Variants in NSUN7 observed in about 807,000 individuals in gnomAD.
NSUN7 encodes the protein protein NSUN7.
In NSUN7, 39 loss-of-function variants were observed where a neutral mutation model predicts 58.5. That is an observed-to-expected ratio of 0.67 (90% confidence interval 0.52 to 0.87). NSUN7 has a LOEUF of 0.87. NSUN7 is among the 40% of genes least tolerant of loss of function. The pLI is 0.00. For synonymous variants in NSUN7, 278 were observed against 303.7 expected, an observed-to-expected ratio of 0.92 and a Z score of 0.88; for missense variants, 765 against 844.1, an observed-to-expected ratio of 0.91 and a Z score of 1.16.
intron 2 of NSUN7, among the ~76,000 whole-genome samples, chr4:40,757,906 G>GTTTGTTTC (rs1741256022): frequency 6.6e-6 from 1 of 150,886 alleles, no homozygotes; most frequent in Non-Finnish European, 1.5e-5. Context: ...TCCTGTTTTT[G>GTTTGTTTC]TTTGTTTGTT....
chr4:40,798,013 T>C (rs536290829), intron 9 of NSUN7, among the ~76,000 whole-genome samples: 78 of 152,218 alleles, frequency 5.1e-4, no homozygotes, highest in Non-Finnish European at 9.3e-4. Flanking sequence ...GCTGGTTCCT[T>C]ATCTCCATCT....
intron 4 of NSUN7, among the ~76,000 whole-genome samples, chr4:40,768,217 T>C (rs1460038921): frequency 2.0e-5 from 3 of 151,732 alleles, no homozygotes; most frequent in African/African-American, 7.3e-5. Context: ...TTTTTTTTTT[T>C]TTGAGACGGA....
intron 10 of NSUN7, among the ~76,000 whole-genome samples, chr4:40,802,901 T>C (rs1296462126): frequency 2.7e-5 from 4 of 150,688 alleles, no homozygotes; most frequent in Non-Finnish European, 5.9e-5. Context: ...AACTTGTCAT[T>C]TAGCATTAGG....
At position 40,774,686 on chromosome 4, in the gene NSUN7, T is replaced by G. The variant is rs77951356; in HGVS notation, c.642-81T>G. ...ATGTATGAAGTGATATTTTTCTTTG[T>G]TACAGGAAAAAGGTGTTAGTGTTAA... On this transcript the variant is annotated intron_variant, in intron 5 of 11. Transcript: ENST00000381782. The G allele has an allele frequency of 4.4e-4, 396 of 899,668 alleles. 4 individuals carry two copies. The East Asian group carries it at 9.8e-3, about 22-fold the overall frequency. The allele number at this position is 899,668 out of a possible 1,614,324, so 55.7% of individuals were successfully genotyped here.
chr4:40,770,828 G>A (rs921073101), intron 4 of NSUN7, among the ~76,000 whole-genome samples: 3 of 152,166 alleles, frequency 2.0e-5, no homozygotes, highest in Admixed American at 6.5e-5. Flanking sequence ...CAAGGTGGGC[G>A]GATCGTGAGG....
rs1744106457 is a variant in NSUN7 at position 40,809,981 on chromosome 4, T to A, written c.*1042T>A. ...AAATTGTCATTAAATAGAATTAAGA[T>A]ACAACTATATATCTTATTATTTAAA... On this transcript the variant is annotated 3_prime_UTR_variant, in exon 12 of 12. Transcript: ENST00000381782. The A allele has an allele frequency of 6.6e-6, 1 of 152,252 alleles. No homozygotes were observed. The highest frequency in any genetic ancestry group is 1.5e-5 in the Non-Finnish European group (1 of 68,046). 9.4% of individuals were successfully genotyped at this position (152,252 alleles called of 1,614,324 possible). A position where few individuals can be genotyped will look rare whatever the true frequency, so the allele number is the denominator to read the frequency against.
At chr4:40,796,828 C>T (rs1044144391) in intron 9 of NSUN7, among the ~76,000 whole-genome samples, 1 of 152,170 alleles carries the variant, frequency 6.6e-6, no homozygotes, top group Non-Finnish European at 1.5e-5. Context: ...TCCTCATCAA[C>T]AAAAATTCCC....
chr4:40,809,183 C>G lies in NSUN7; in HGVS notation c.*244C>G. On this transcript the variant is annotated 3_prime_UTR_variant, in exon 12 of 12. Transcript: ENST00000381782. ...CTCTGAGAGGATCCAGTTAGAGACT[C>G]AGTATCAGCGGTCAGAACTTATCTC... 1 of 404,374 alleles carries G rather than the reference C, an allele frequency of 2.5e-6. No individual in the cohort carries two copies. The highest frequency in any genetic ancestry group is 4.4e-6 in the Non-Finnish European group (1 of 227,092). 25.0% of individuals were successfully genotyped at this position (404,374 alleles called of 1,614,324 possible).
At chr4:40,798,677 C>G in intron 9 of NSUN7, 110 bp from the exon 10 acceptor site, 1 of 530,514 alleles carries the variant, frequency 1.9e-6, no homozygotes, top group Non-Finnish European at 3.2e-6. Flanking sequence ...GGAAATTATT[C>G]TCATCAAAAC....
At chr4:40,797,819 C>T (rs1256044662) in intron 9 of NSUN7, among the ~76,000 whole-genome samples, 1 of 152,188 alleles carries the variant, frequency 6.6e-6, no homozygotes, top group Non-Finnish European at 1.5e-5. Context: ...GCCCACAAGT[C>T]CCTGTACTAT....
In NSUN7 at chr4:40,776,251, G is replaced by T; in HGVS notation, c.1028G>T (p.Gly343Val). 1 of 1,579,536 alleles carries T rather than the reference G, an allele frequency of 6.3e-7. No individual in the cohort carries two copies. Among genetic ancestry groups the T allele is most frequent in the African/African-American group, 1.4e-5 (1 of 73,788 alleles). Reference protein sequence around the residue: ...PDLKTLFTKIGCKNIEILHEK... With the variant: ...PDLKTLFTKIVCKNIEILHEK... ...TTGAAGACCCTTTTCACAAAAATAG[G>T]ATGTAAAAGTATGTAAAAATATTTC... is the stretch of plus-strand genomic sequence containing the variant. The change falls in exon 7 of 12, where the codon GGA (glycine) becomes GTA (valine). Residue 343 changes from glycine (G) to valine (V), a missense_variant. By Grantham distance (109) the Gly-to-Val change is moderately radical. Transcript: ENST00000381782.
Position 40,809,032 on chromosome 4 carries a change from T to G in NSUN7, c.*93T>G. ...AGATTCTACATCTCTACACAAGATA[T>G]TCATTCTTTTGGTCACCTAGGGATC... is the stretch of plus-strand genomic sequence containing the variant. On this transcript the variant is annotated 3_prime_UTR_variant, in exon 12 of 12. Transcript: ENST00000381782. 1 of 1,298,238 alleles carries G rather than the reference T, an allele frequency of 7.7e-7. No individual in the cohort carries two copies. The highest frequency in any genetic ancestry group is 1.7e-5 in the South Asian group (1 of 60,314). 80.4% of individuals were successfully genotyped at this position (1,298,238 alleles called of 1,614,324 possible). A position where few individuals can be genotyped will look rare whatever the true frequency, so the allele number is the denominator to read the frequency against.
intron 2 of NSUN7, among the ~76,000 whole-genome samples, chr4:40,753,237 CT>C (rs1740925494): frequency 6.6e-6 from 1 of 151,362 alleles, no homozygotes; most frequent in South Asian, 2.1e-4. Flanking sequence ...CCTCTCCCTC[CT>C]ATTTTCTATT....
intron 4 of NSUN7, among the ~76,000 whole-genome samples, chr4:40,767,592 A>G (rs1040297190): frequency 6.6e-6 from 1 of 152,156 alleles, no homozygotes; most frequent in South Asian, 2.1e-4. Flanking sequence ...GTAGATGTCT[A>G]TTAGGTCCGC....
chr4:40,790,304 G>C (rs1743020706), intron 7 of NSUN7, among the ~76,000 whole-genome samples: 2 of 152,088 alleles, frequency 1.3e-5, no homozygotes, highest in African/African-American at 4.8e-5. Context: ...GAGTCAACTT[G>C]AATTTTTCTG....
intron 9 of NSUN7, 40 bp from the exon 10 acceptor site, chr4:40,798,747 A>T: frequency 9.0e-7 from 1 of 1,115,850 alleles, no homozygotes; most frequent in Non-Finnish European, 1.3e-6. Flanking sequence ...TAGGATTGTT[A>T]ATATAGTTGT....
intron 2 of NSUN7, among the ~76,000 whole-genome samples, chr4:40,759,087 A>G (rs765340365): frequency 6.6e-6 from 1 of 152,156 alleles, no homozygotes; most frequent in Non-Finnish European, 1.5e-5. Flanking sequence ...AGGTGGGCAG[A>G]TCACCTGAGG....
intron 10 of NSUN7, among the ~76,000 whole-genome samples, chr4:40,800,435 G>A (rs954172974): frequency 6.6e-6 from 1 of 152,124 alleles, no homozygotes; most frequent in Admixed American, 6.5e-5. Flanking sequence ...CACCTCCTGG[G>A]TTCAAGCAGT....
chr4:40,787,324 C>G (rs183651020), intron 7 of NSUN7, among the ~76,000 whole-genome samples: 15 of 145,140 alleles, frequency 1.0e-4, no homozygotes, highest in African/African-American at 2.8e-4. Context: ...TCAATAAATA[C>G]TAAAAAATAA....
Sources: allele counts gnomAD v4.1 joint callset (sites outside exome capture counted in the v4.1 genomes callset), GRCh38; gene constraint gnomAD v4.1.1; transcripts MANE v1.5; gene names NCBI Gene and HGNC (gene_info 2026-07-23, HGNC 2026-07-21).